POLA1: variants seen among roughly 807,000 people sequenced by gnomAD.
POLA1 encodes DNA polymerase alpha 1, catalytic subunit, also known as DNA polymerase alpha catalytic subunit.
A neutral mutation model predicts 124.0 loss-of-function variants in POLA1; 15 were observed. The observed-to-expected ratio is 0.12, with a 90% CI of 0.08 to 0.19. POLA1 has a LOEUF of 0.19. POLA1 is among the 10% of genes least tolerant of loss of function. POLA1 has a pLI of 1.00. For missense variants in POLA1, 886 were observed against 1,103.4 expected (o/e 0.80, Z 2.79); for synonymous variants, 408 against 389.4 (o/e 1.05, Z -0.56).
At chrX:24,731,676 C>T (rs1930914403) in intron 15 of POLA1, among the ~76,000 whole-genome samples, 1 of 110,758 alleles carries the variant, frequency 9.0e-6, no homozygotes, top group Non-Finnish European at 1.9e-5. Flanking sequence ...ATGCTGCTAA[C>T]ATCATACAGA....
At chrX:24,809,508 T>G (rs984399654) in intron 26 of POLA1, among the ~76,000 whole-genome samples, 1 of 111,808 alleles carries the variant, frequency 8.9e-6, no homozygotes, top group Admixed American at 9.5e-5. Context: ...AGTGTGCTTT[T>G]TTTTGCTTTT....
chrX:24,756,289 C>T (rs762941911), intron 26 of POLA1, among the ~76,000 whole-genome samples: 6 of 111,035 alleles, frequency 5.4e-5, no homozygotes, highest in South Asian at 3.8e-4. Context: ...GGGCCGGGCG[C>T]GGTGGCTCAC....
At chrX:24,848,058 AT>A (rs746001128) in intron 34 of POLA1, among the ~76,000 whole-genome samples, 1 of 112,288 alleles carries the variant, frequency 8.9e-6, no homozygotes, top group South Asian at 3.7e-4. Context: ...GCAAAGAGGC[AT>A]TAACCAGAAA....
chrX:24,714,753 G>T, intron 5 of POLA1, 84 bp downstream of exon 5: 1 of 508,243 alleles, frequency 2.0e-6, no homozygotes, highest in Non-Finnish European at 3.2e-6. Context: ...CAGGTGCTCT[G>T]TATATATTTG....
At chrX:24,879,328 T>C (rs1010362002) in intron 34 of POLA1, among the ~76,000 whole-genome samples, 3 of 111,997 alleles carry the variant, frequency 2.7e-5, no homozygotes, top group African/African-American at 9.7e-5. Context: ...TTATCATTCA[T>C]GTTAGAAAGT....
chrX:24,948,006 T>C (rs777341053), intron 36 of POLA1, among the ~76,000 whole-genome samples: 10 of 112,491 alleles, frequency 8.9e-5, no homozygotes, highest in Non-Finnish European at 1.7e-4. Context: ...AAACCATTAT[T>C]ACTCTTTGAT....
At chrX:24,827,686 C>G (rs774219397) in intron 32 of POLA1, among the ~76,000 whole-genome samples, 1 of 111,954 alleles carries the variant, frequency 8.9e-6, no homozygotes, top group African/African-American at 3.2e-5. Flanking sequence ...GCTTCTGAAC[C>G]TTGGTCTACA....
intron 22 of POLA1, 25 bp downstream of exon 22, chrX:24,742,146 T>C: frequency 8.5e-7 from 1 of 1,172,115 alleles, no homozygotes; most frequent in Non-Finnish European, 1.1e-6. Context: ...GTGTAGTATT[T>C]TGTTTTCTCT....
intron 35 of POLA1, among the ~76,000 whole-genome samples, chrX:24,923,895 G>T (rs2047654569): frequency 8.9e-6 from 1 of 111,801 alleles, no homozygotes; most frequent in Non-Finnish European, 1.9e-5. Flanking sequence ...TAATTGAGTG[G>T]CAGGGAAAAC....
intron 36 of POLA1, among the ~76,000 whole-genome samples, chrX:24,950,423 C>T (rs965453601): frequency 8.9e-6 from 1 of 111,997 alleles, no homozygotes. Context: ...CTAGTGGCTA[C>T]CTTATTGGGC....
intron 34 of POLA1, among the ~76,000 whole-genome samples, chrX:24,877,333 A>G (rs1307029709): frequency 8.9e-6 from 1 of 111,957 alleles, no homozygotes; most frequent in Non-Finnish European, 1.9e-5. Context: ...AGTTCAGTGC[A>G]TGGAAAGTTC....
At chrX:24,995,767 C>T (rs1156969972) in intron 36 of POLA1, 38 bp from the exon 37 acceptor site, 1 of 1,141,652 alleles carries the variant, frequency 8.8e-7, no homozygotes, top group Admixed American at 2.3e-5. Context: ...TTTAAAGAAA[C>T]TACCTGAGAC....
At chrX:24,968,119 T>C (rs549367004) in intron 36 of POLA1, among the ~76,000 whole-genome samples, 86 of 111,863 alleles carry the variant, frequency 7.7e-4, no homozygotes, top group Middle Eastern at 4.6e-3. Flanking sequence ...AAATTTTCAG[T>C]GTACCATGGT....
chrX:24,957,642 A>G (rs1296240601), intron 36 of POLA1, among the ~76,000 whole-genome samples: 3 of 112,139 alleles, frequency 2.7e-5, no homozygotes, highest in African/African-American at 6.5e-5. Flanking sequence ...AATAGTATCT[A>G]TGTGTTGTTT....
intron 36 of POLA1, among the ~76,000 whole-genome samples, chrX:24,958,471 A>C (rs1015703093): frequency 1.8e-5 from 2 of 112,454 alleles, no homozygotes; most frequent in African/African-American, 6.4e-5. Context: ...TTCCTCTTAC[A>C]TAATCAAAAG....
At chrX:24,916,137 ATGT>A (rs2047526716) in intron 35 of POLA1, among the ~76,000 whole-genome samples, 1 of 111,811 alleles carries the variant, frequency 8.9e-6, no homozygotes, top group African/African-American at 3.3e-5. Context: ...AAGAATTCCT[ATGT>A]TGTTGATCCT....
At chrX:24,945,101 G>A (rs938257084) in intron 36 of POLA1, among the ~76,000 whole-genome samples, 9 of 111,844 alleles carry the variant, frequency 8.0e-5, no homozygotes, top group African/African-American at 2.9e-4. Context: ...GAAAAAAATA[G>A]CACCTACCTC....
intron 36 of POLA1, among the ~76,000 whole-genome samples, chrX:24,943,923 G>A (rs772137906): frequency 1.8e-5 from 2 of 111,714 alleles, no homozygotes; most frequent in South Asian, 7.6e-4. Flanking sequence ...AAAGGGCACA[G>A]CAAAATCTAA....
At chrX:24,825,478 C>G (rs954515568) in intron 31 of POLA1, among the ~76,000 whole-genome samples, 1 of 112,154 alleles carries the variant, frequency 8.9e-6, no homozygotes, top group Non-Finnish European at 1.9e-5. Flanking sequence ...ACATTATAAT[C>G]AGTTCTGCTG....
Sources: allele counts gnomAD v4.1 joint callset (sites outside exome capture counted in the v4.1 genomes callset), GRCh38; gene constraint gnomAD v4.1.1; transcripts MANE v1.5; gene names NCBI Gene and HGNC (gene_info 2026-07-23, HGNC 2026-07-21).